The following PCDH11X variants were observed in gnomAD, a reference collection of about 807,000 sequenced individuals.
The protein encoded by PCDH11X is protocadherin 11 X-linked.
PCDH11X carries 18 observed loss-of-function variants against 53.3 expected under a neutral mutation model. That is an observed-to-expected ratio of 0.34 (90% CI 0.23 to 0.50). The LOEUF is 0.50. Ranked by LOEUF, PCDH11X falls within the 20% of genes least tolerant of loss-of-function variation. The probability of loss-of-function intolerance (pLI) is 0.98; values close to 1 mark genes in which losing one functional copy is unlikely to be tolerated. For missense variants in PCDH11X, 570 were observed against 1,032.4 expected (o/e 0.55, Z 6.14); for synonymous variants, 279 against 393.3 (o/e 0.71, Z 3.44).
intron 8 of PCDH11X, among the ~76,000 whole-genome samples, chrX:92,379,765 T>C (rs1313198207): frequency 9.0e-6 from 1 of 110,705 alleles, no homozygotes; most frequent in East Asian, 2.9e-4. Context: ...CAGGACTCAG[T>C]GAGAATTGGA....
intron 5 of PCDH11X, among the ~76,000 whole-genome samples, chrX:91,868,654 A>G (rs911071113): frequency 8.9e-6 from 1 of 111,902 alleles, no homozygotes; most frequent in African/African-American, 3.2e-5. Flanking sequence ...TCTCTGACAT[A>G]CAATGAACCA....
At chrX:92,447,510 G>A (rs1426442759) in intron 9 of PCDH11X, among the ~76,000 whole-genome samples, 1 of 111,638 alleles carries the variant, frequency 9.0e-6, no homozygotes, top group African/African-American at 3.3e-5. Flanking sequence ...TCCATGTGAT[G>A]TTGGGCCTGT....
intron 8 of PCDH11X, among the ~76,000 whole-genome samples, chrX:92,371,991 G>A (rs1417893434): frequency 1.8e-5 from 2 of 111,339 alleles, no homozygotes; most frequent in African/African-American, 3.3e-5. Flanking sequence ...TATATTATAT[G>A]TCTATTTTAT....
chrX:92,236,724 T>A (rs2067177691), intron 7 of PCDH11X, among the ~76,000 whole-genome samples: 1 of 111,578 alleles, frequency 9.0e-6, no homozygotes, highest in Non-Finnish European at 1.9e-5. Context: ...ATGTATAGAG[T>A]CTAGAAAAAT....
At chrX:92,321,183 A>C (rs1373090911) in intron 8 of PCDH11X, among the ~76,000 whole-genome samples, 6 of 91,239 alleles carry the variant, frequency 6.6e-5, no homozygotes, top group Non-Finnish European at 1.0e-4. Context: ...CTGAACTGTA[A>C]GTTTTTTTTT....
At chrX:92,413,016 G>A (rs942753313) in intron 9 of PCDH11X, among the ~76,000 whole-genome samples, 2 of 93,041 alleles carry the variant, frequency 2.1e-5, no homozygotes, top group African/African-American at 4.0e-5. Flanking sequence ...GTTGTTTTCT[G>A]TGAAGCACAG....
At chrX:92,131,680 G>T (rs1399526376) in intron 6 of PCDH11X, among the ~76,000 whole-genome samples, 2 of 111,232 alleles carry the variant, frequency 1.8e-5, no homozygotes, top group Non-Finnish European at 3.8e-5. Flanking sequence ...TATAAGTAAG[G>T]TCTGAGTTCT....
intron 6 of PCDH11X, among the ~76,000 whole-genome samples, chrX:92,123,215 C>G (rs184887075): frequency 1.8e-5 from 2 of 111,304 alleles, no homozygotes; most frequent in Non-Finnish European, 3.8e-5. Context: ...TGATTTTCTC[C>G]GCCTAGATAA....
At chrX:92,355,059 A>G (rs1288329881) in intron 8 of PCDH11X, among the ~76,000 whole-genome samples, 3 of 108,846 alleles carry the variant, frequency 2.8e-5, no homozygotes, top group South Asian at 4.2e-4. Context: ...TTCAGTTTCT[A>G]AAAGAAATTG....
intron 9 of PCDH11X, among the ~76,000 whole-genome samples, chrX:92,401,253 A>T (rs1411237710): frequency 9.3e-6 from 1 of 107,738 alleles, no homozygotes; most frequent in Non-Finnish European, 1.9e-5. Context: ...CATAGGCATA[A>T]GCACAAATAA....
chrX:92,550,209 G>T (rs1340212463), intron 10 of PCDH11X, among the ~76,000 whole-genome samples: 1 of 110,070 alleles, frequency 9.1e-6, no homozygotes, highest in Admixed American at 9.8e-5. Context: ...AATCCTTTGT[G>T]CCTGGGTTAT....
At chrX:92,174,060 A>C (rs2065866886) in intron 6 of PCDH11X, among the ~76,000 whole-genome samples, 1 of 104,719 alleles carries the variant, frequency 9.5e-6, no homozygotes, top group Admixed American at 1.0e-4. Context: ...CCTAAACAAG[A>C]GGCTTTGTTA....
chrX:92,181,169 C>A lies in PCDH11X; in HGVS notation c.3034-20206C>A, dbSNP rs778690981. Among the ~76,000 whole-genome samples the A allele has an allele frequency of 1.3e-4, 14 of 111,167 alleles. No homozygotes were observed. The Admixed American group carries it at 1.3e-3, about 11-fold the overall frequency. On this transcript the variant is annotated intron_variant, in intron 6 of 10. Transcript: ENST00000682573. ...AGATGGTCTCAGATGGAAATGAGGA[C>A]CTTGTTGAAAATTGGTGCAAAGGTG...
At chrX:91,906,930 T>C (rs1941178599) in intron 6 of PCDH11X, among the ~76,000 whole-genome samples, 1 of 110,739 alleles carries the variant, frequency 9.0e-6, no homozygotes, top group Non-Finnish European at 1.9e-5. Context: ...AAATTTTTAT[T>C]ACTCTTTTAC....
chrX:92,471,986 T>C (rs2073273443), intron 10 of PCDH11X, among the ~76,000 whole-genome samples: 1 of 111,325 alleles, frequency 9.0e-6, no homozygotes. Context: ...TTTAAGTTCA[T>C]TATAGATGCT....
chrX:91,908,936 G>C (rs946919717), intron 6 of PCDH11X, among the ~76,000 whole-genome samples: 11 of 109,636 alleles, frequency 1.0e-4, no homozygotes, highest in Middle Eastern at 4.8e-3. Flanking sequence ...ATTCCTCAAA[G>C]ACCCAAAGAC....
intron 8 of PCDH11X, among the ~76,000 whole-genome samples, chrX:92,292,982 A>G (rs2068522398): frequency 9.5e-6 from 1 of 105,157 alleles, no homozygotes; most frequent in Non-Finnish European, 1.9e-5. Flanking sequence ...TAAAGGAACC[A>G]TTCAGGAAAA....
At chrX:91,975,089 T>C (rs905522661) in intron 6 of PCDH11X, among the ~76,000 whole-genome samples, 10 of 110,648 alleles carry the variant, frequency 9.0e-5, no homozygotes, top group African/African-American at 3.3e-4. Flanking sequence ...CTTGCTGCTA[T>C]TGAGGATAGT....
chrX:92,413,905 G>T (rs2071747401), intron 9 of PCDH11X, among the ~76,000 whole-genome samples: 1 of 107,631 alleles, frequency 9.3e-6, no homozygotes, highest in Admixed American at 1.0e-4. Flanking sequence ...GCATATGAGG[G>T]TGGAGTTTTT....
Sources: allele counts gnomAD v4.1 joint callset (sites outside exome capture counted in the v4.1 genomes callset), GRCh38; gene constraint gnomAD v4.1.1; transcripts MANE v1.5; gene names NCBI Gene and HGNC (gene_info 2026-07-23, HGNC 2026-07-21).